The following NR3C1 variants were observed in gnomAD, a reference collection of about 807,000 sequenced individuals.
NR3C1 encodes the protein nuclear receptor subfamily 3 group C member 1, also known as glucocorticoid receptor.
Under a neutral mutation model 74.0 loss-of-function variants are expected in NR3C1, and 14 were observed. The ratio of observed to expected loss-of-function variants is 0.19; its 90% CI spans 0.12 to 0.30. NR3C1 has a LOEUF of 0.30. Ranked by LOEUF, NR3C1 falls within the 10% of genes least tolerant of loss-of-function variation. The pLI, the probability that NR3C1 is intolerant of heterozygous loss-of-function variation, is 1.00. For synonymous variants in NR3C1, 308 were observed against 332.5 expected (o/e 0.93, Z 0.80); for missense variants, 695 against 909.8 (o/e 0.76, Z 3.04).
At chr5:143,428,191 AC>A (rs1751632865) in intron 1 of NR3C1, among the ~76,000 whole-genome samples, 1 of 152,204 alleles carries the variant, frequency 6.6e-6, no homozygotes, top group Non-Finnish European at 1.5e-5. Flanking sequence ...CACCAAGGCC[AC>A]AAAAATGCCA....
At chr5:143,367,104 T>C (rs1833360528) in intron 2 of NR3C1, among the ~76,000 whole-genome samples, 1 of 152,160 alleles carries the variant, frequency 6.6e-6, no homozygotes, top group Non-Finnish European at 1.5e-5. Flanking sequence ...CAGGGTTTGT[T>C]TGACATATGA....
chr5:143,366,826 AAAG>A (rs575894945), intron 2 of NR3C1, among the ~76,000 whole-genome samples: 20 of 152,294 alleles, frequency 1.3e-4, no homozygotes, highest in African/African-American at 2.2e-4. Context: ...AAAAACTTCC[AAAG>A]AAGACCCCAG....
chr5:143,312,885 A>G (rs1821266748), intron 3 of NR3C1, among the ~76,000 whole-genome samples: 2 of 152,220 alleles, frequency 1.3e-5, no homozygotes, highest in African/African-American at 4.8e-5. Flanking sequence ...TGCACAAAGC[A>G]GGGCTGGGCT....
At chr5:143,282,475 G>A in intron 8 of NR3C1, 93 bp downstream of exon 8, 10 of 1,425,340 alleles carry the variant, frequency 7.0e-6, no homozygotes, top group East Asian at 2.3e-5. Flanking sequence ...GGGGGCGGGG[G>A]TGGGGGCGCT....
rs150694642 is a variant in NR3C1 at position 143,307,645 on chromosome 5, T to A, written c.1468+2452A>T. Among the ~76,000 whole-genome samples, 193 of 152,240 alleles carry A rather than the reference T, an allele frequency of 1.3e-3. 1 individual carries two copies. Among genetic ancestry groups the A allele is most frequent in the African/African-American group, 4.6e-3 (190 of 41,544 alleles). ...CCTTTGAGCTTCATTCAAAACCTAT[T>A]TCGAAATATAAAATAGGTAAAATGA... On this transcript the variant is annotated intron_variant, in intron 4 of 8. Coordinates refer to ENST00000394464, the MANE Select transcript of NR3C1 (RefSeq NM_000176.3).
rs1358500786 is a variant in NR3C1, at chr5:143,280,181, AC to A, written c.*1707del. 1 of 152,536 alleles carries A rather than the reference AC, an allele frequency of 6.6e-6. No individual in the cohort carries two copies. Among genetic ancestry groups the A allele is most frequent in the South Asian group, 2.1e-4 (1 of 4,830 alleles). 9.4% of individuals were successfully genotyped at this position (152,536 alleles called of 1,614,324 possible). On this transcript the variant is annotated 3_prime_UTR_variant, in exon 9 of 9. Transcript: ENST00000394464. ...TAGGTTATCCATCAGCATTTCTTTG[AC>A]CCCTACAAAAAATATATAACATGTC...
At chr5:143,293,661 C>CTTAAT (rs1816452239) in intron 7 of NR3C1, among the ~76,000 whole-genome samples, 1 of 152,038 alleles carries the variant, frequency 6.6e-6, no homozygotes, top group Non-Finnish European at 1.5e-5. Context: ...TCACTTAGTT[C>CTTAAT]TTAATTTTTT....
chr5:143,326,376 AAATTAT>A (rs1170359161), intron 2 of NR3C1, among the ~76,000 whole-genome samples: 5 of 152,216 alleles, frequency 3.3e-5, no homozygotes, highest in Non-Finnish European at 5.9e-5. Flanking sequence ...AATGGAGCAC[AAATTAT>A]AATTAAGAGA....
chr5:143,349,179 T>A (rs1452429465), intron 2 of NR3C1, among the ~76,000 whole-genome samples: 4 of 152,184 alleles, frequency 2.6e-5, no homozygotes, highest in Non-Finnish European at 5.9e-5. Flanking sequence ...TCTTAGTTGC[T>A]TTGCTTTACC....
chr5:143,389,972 G>C, intron 2 of NR3C1: 1 of 961,992 alleles, frequency 1.0e-6, no homozygotes, highest in Non-Finnish European at 1.2e-6. Context: ...CAAGAAAACA[G>C]TTTGCTTTTA....
intron 2 of NR3C1, among the ~76,000 whole-genome samples, chr5:143,365,418 T>C (rs886190679): frequency 1.1e-4 from 17 of 152,166 alleles, no homozygotes; most frequent in African/African-American, 4.1e-4. Context: ...AAGATAAAAA[T>C]TGTTCTTATA....
chr5:143,409,098 G>A (rs1423971733), intron 1 of NR3C1: 2 of 152,200 alleles, frequency 1.3e-5, no homozygotes, highest in African/African-American at 4.8e-5. Flanking sequence ...AGCTCAACTG[G>A]TGGGAGCAGA....
intron 2 of NR3C1, among the ~76,000 whole-genome samples, chr5:143,334,618 C>T (rs905389634): frequency 6.6e-6 from 1 of 151,376 alleles, no homozygotes; most frequent in African/African-American, 2.4e-5. Flanking sequence ...CGACCAAGCC[C>T]AAGGACATAA....
At chr5:143,434,773 C>T in exon 1 of NR3C1, 1 of 985,440 alleles carries the variant, frequency 1.0e-6, no homozygotes, top group Non-Finnish European at 1.2e-6. Context: ...GGCCCCTTTC[C>T]TGGGCTAACT....
chr5:143,295,735 C>G lies in NR3C1; in HGVS notation c.1893-145G>C, dbSNP rs1054486934. The G allele has an allele frequency of 8.7e-6, 6 of 692,988 alleles. No individual in the cohort carries two copies. In the South Asian group the frequency reaches 9.2e-5, roughly 11 times the overall value. The allele number at this position is 692,988 out of a possible 1,614,324, so 42.9% of individuals were successfully genotyped here. ...TATTATTGCTAATTCCCTATAAAAT[C>G]AGAATTTTGGAGAACTTTCCTTAAA... On this transcript the variant is annotated intron_variant, in intron 6 of 8. Transcript: ENST00000394464.
chr5:143,284,417 G>C (rs111804100), intron 7 of NR3C1, among the ~76,000 whole-genome samples: 9 of 152,034 alleles, frequency 5.9e-5, no homozygotes, highest in African/African-American at 2.2e-4. Context: ...AATGAAGACC[G>C]CTTAATCAGG....
At chr5:143,432,733 C>T (rs1751891933) in intron 1 of NR3C1, among the ~76,000 whole-genome samples, 1 of 152,164 alleles carries the variant, frequency 6.6e-6, no homozygotes, top group Non-Finnish European at 1.5e-5. Context: ...TTTCAAGGAG[C>T]TGCCCTTGGA....
chr5:143,326,141 A>G (rs1353486950), intron 2 of NR3C1, among the ~76,000 whole-genome samples: 1 of 152,244 alleles, frequency 6.6e-6, no homozygotes, highest in Admixed American at 6.5e-5. Context: ...TCGCATTATA[A>G]GGCAACACCT....
At chr5:143,421,343 A>T (rs947135770) in intron 1 of NR3C1, among the ~76,000 whole-genome samples, 5 of 152,184 alleles carry the variant, frequency 3.3e-5, no homozygotes, top group African/African-American at 9.7e-5. Context: ...CAACATAGTG[A>T]TTAAGAGTGT....
Sources: gnomAD v4.1 joint callset for allele counts (sites outside exome capture counted in the v4.1 genomes callset) on GRCh38, gnomAD v4.1.1 for gene constraint, MANE v1.5 for transcripts, NCBI Gene and HGNC (gene_info 2026-07-23, HGNC 2026-07-21) for gene names.